Variants in GRID2 observed in about 807,000 individuals in gnomAD.
GRID2 encodes the protein glutamate receptor ionotropic, delta-2.
GRID2 carries 33 observed loss-of-function variants against 114.8 expected under a neutral mutation model. That is an observed-to-expected ratio of 0.29 (90% CI 0.22 to 0.38). The LOEUF (loss-of-function observed/expected upper bound fraction) is 0.38. GRID2 is among the 10% of genes least tolerant of loss of function. GRID2 has a pLI of 1.00. For synonymous variants in GRID2, 505 were observed against 449.9 expected, an observed-to-expected ratio of 1.12 and a Z score of -1.55; for missense variants, 1,184 against 1,257.7, an observed-to-expected ratio of 0.94 and a Z score of 0.89.
intron 2 of GRID2, among the ~76,000 whole-genome samples, chr4:92,682,816 T>C (rs966643806): frequency 3.3e-5 from 5 of 152,082 alleles, no homozygotes; most frequent in African/African-American, 1.2e-4. Context: ...CATCCTTATG[T>C]CACTAAAATT....
chr4:93,094,079 A>T (rs1731002677), intron 3 of GRID2, among the ~76,000 whole-genome samples: 4 of 152,018 alleles, frequency 2.6e-5, no homozygotes, highest in Admixed American at 2.6e-4. Flanking sequence ...TATAGAAAAA[A>T]GGCCTTCCAA....
chr4:92,607,601 C>T (rs1045026522), intron 2 of GRID2, among the ~76,000 whole-genome samples: 9 of 151,958 alleles, frequency 5.9e-5, no homozygotes, highest in African/African-American at 2.2e-4. Context: ...GACCTGTTTG[C>T]ATCTCATATC....
At chr4:93,242,619 G>A (rs955802880) in intron 8 of GRID2, among the ~76,000 whole-genome samples, 14 of 151,910 alleles carry the variant, frequency 9.2e-5, no homozygotes, top group Admixed American at 3.3e-4. Context: ...AGTATGGCTC[G>A]AGAGGTTAGT....
chr4:92,500,094 C>G (rs60005779), intron 1 of GRID2, among the ~76,000 whole-genome samples: 1 of 152,056 alleles, frequency 6.6e-6, no homozygotes, highest in Non-Finnish European at 1.5e-5. Flanking sequence ...TCTAATTCAT[C>G]GGTCTTGAAG....
chr4:93,403,125 C>G (rs902772309), intron 9 of GRID2, among the ~76,000 whole-genome samples: 1 of 152,102 alleles, frequency 6.6e-6, no homozygotes, highest in Non-Finnish European at 1.5e-5. Flanking sequence ...CAATGTCTTA[C>G]GAGGGCTCCT....
chr4:92,943,849 G>A (rs756215184), intron 2 of GRID2, among the ~76,000 whole-genome samples: 2 of 152,210 alleles, frequency 1.3e-5, no homozygotes, highest in Non-Finnish European at 2.9e-5. Flanking sequence ...GTCCACTCCA[G>A]GCCCTGTTTG....
chr4:92,681,725 G>C (rs1733658356), intron 2 of GRID2, among the ~76,000 whole-genome samples: 1 of 152,044 alleles, frequency 6.6e-6, no homozygotes, highest in Non-Finnish European at 1.5e-5. Context: ...ACAAGAAAGA[G>C]TGATTTTACC....
At chr4:92,632,564 G>A (rs527914380) in intron 2 of GRID2, among the ~76,000 whole-genome samples, 6 of 152,126 alleles carry the variant, frequency 3.9e-5, no homozygotes, top group South Asian at 4.2e-4. Flanking sequence ...ACCTGCAGAC[G>A]GAGTTTGTAG....
intron 1 of GRID2, among the ~76,000 whole-genome samples, chr4:93,796,953 TCA>T (rs1397609350): frequency 6.6e-6 from 1 of 152,234 alleles, no homozygotes; most frequent in African/African-American, 2.4e-5. Context: ...TTAGGTCATT[TCA>T]CAGTTTTGTA....
intron 2 of GRID2, among the ~76,000 whole-genome samples, chr4:92,906,443 T>C (rs1425471221): frequency 1.3e-5 from 2 of 152,014 alleles, no homozygotes; most frequent in African/African-American, 4.8e-5. Context: ...GAGCTGAATT[T>C]TAGCACTTTG....
At chr4:92,511,869 C>T (rs542264808) in intron 1 of GRID2, among the ~76,000 whole-genome samples, 31 of 151,824 alleles carry the variant, frequency 2.0e-4, no homozygotes, top group African/African-American at 6.8e-4. Context: ...GGTAGAGTGA[C>T]ATTAATTGTA....
chr4:93,250,651 T>C (rs1382801767), intron 8 of GRID2, among the ~76,000 whole-genome samples: 1 of 143,664 alleles, frequency 7.0e-6, no homozygotes, highest in Non-Finnish European at 1.5e-5. Flanking sequence ...TATATATATA[T>C]ATATTTTATA....
At chr4:93,328,587 G>T (rs1758094937) in intron 8 of GRID2, among the ~76,000 whole-genome samples, 1 of 151,886 alleles carries the variant, frequency 6.6e-6, no homozygotes, top group Admixed American at 6.6e-5. Flanking sequence ...GTTTTCTTTT[G>T]TATTATCTAC....
chr4:93,379,540 C>T (rs1380991772), intron 8 of GRID2, among the ~76,000 whole-genome samples: 2 of 152,090 alleles, frequency 1.3e-5, no homozygotes, highest in African/African-American at 4.8e-5. Flanking sequence ...ATCTCAGTAT[C>T]TCAGCCATAA....
At chr4:92,429,513 G>T (rs990712947) in intron 1 of GRID2, among the ~76,000 whole-genome samples, 1 of 152,094 alleles carries the variant, frequency 6.6e-6, no homozygotes, top group African/African-American at 2.4e-5. Context: ...GAAGAGCTTA[G>T]GTTGCTTCCA....
At chr4:92,402,233 A>G (rs539429050) in intron 1 of GRID2, among the ~76,000 whole-genome samples, 1 of 152,206 alleles carries the variant, frequency 6.6e-6, no homozygotes, top group East Asian at 1.9e-4. Context: ...TGAATCTCTC[A>G]AAGTCATTCA....
At chr4:92,643,600 G>A (rs1731469567) in intron 2 of GRID2, among the ~76,000 whole-genome samples, 1 of 151,618 alleles carries the variant, frequency 6.6e-6, no homozygotes, top group Non-Finnish European at 1.5e-5. Context: ...ACAAAAAAAT[G>A]AAATATCTAT....
intron 8 of GRID2, among the ~76,000 whole-genome samples, chr4:93,336,649 C>T (rs10001209): frequency 0.25 from 37,628 of 152,034 alleles, 7,701 homozygotes; most frequent in African/African-American, 0.56. Flanking sequence ...TGCCAATTGT[C>T]ACTCTCAACA....
intron 14 of GRID2, among the ~76,000 whole-genome samples, chr4:93,696,557 T>G (rs938654120): frequency 6.6e-6 from 1 of 152,132 alleles, no homozygotes; most frequent in Non-Finnish European, 1.5e-5. Flanking sequence ...AACTAAAATC[T>G]TTTTTTGTAA....
Sources: allele counts gnomAD v4.1 joint callset (sites outside exome capture counted in the v4.1 genomes callset), GRCh38; gene constraint gnomAD v4.1.1; transcripts MANE v1.5; gene names NCBI Gene and HGNC (gene_info 2026-07-23, HGNC 2026-07-21).